The following EPHA7 variants were observed in gnomAD, a reference collection of about 807,000 sequenced individuals.
EPHA7 encodes the protein ephrin type-A receptor 7.
EPHA7 carries 25 observed loss-of-function variants against 112.6 expected under a neutral mutation model. The ratio of observed to expected loss-of-function variants is 0.22; its 90% CI spans 0.16 to 0.31. The LOEUF is 0.31. EPHA7 is among the 10% of genes least tolerant of loss of function. The pLI is 1.00. For synonymous variants in EPHA7, 437 were observed against 406.5 expected (o/e 1.07, Z -0.90); for missense variants, 962 against 1,212.6 (o/e 0.79, Z 3.07).
chr6:93,310,186 G>A (rs351320), intron 5 of EPHA7, among the ~76,000 whole-genome samples: 93,512 of 152,080 alleles, frequency 0.61, 28,964 homozygotes, highest in African/African-American at 0.71. Context: ...ACATGAGTCA[G>A]GTTCATAGAA....
At chr6:93,396,667 A>G (rs140175218) in intron 3 of EPHA7, among the ~76,000 whole-genome samples, 1 of 151,996 alleles carries the variant, frequency 6.6e-6, no homozygotes, top group East Asian at 1.9e-4. Context: ...AAAAATGACT[A>G]TTATGAAACA....
chr6:93,419,143 G>T, intron 1 of EPHA7, 102 bp downstream of exon 1: 1 of 930,344 alleles, frequency 1.1e-6, no homozygotes, highest in East Asian at 3.1e-5. Flanking sequence ...AGGGTCGCCC[G>T]GCGCCGGAGG....
chr6:93,387,034 T>C (rs1385923524), intron 3 of EPHA7, among the ~76,000 whole-genome samples: 2 of 152,142 alleles, frequency 1.3e-5, no homozygotes, highest in Admixed American at 1.3e-4. Context: ...CCCCATTATC[T>C]TGGCAACTAA....
chr6:93,251,706 GT>G (rs1375465378), intron 14 of EPHA7, among the ~76,000 whole-genome samples: 1 of 151,874 alleles, frequency 6.6e-6, no homozygotes, highest in Non-Finnish European at 1.5e-5. Context: ...ATAAAATTCA[GT>G]TAAAAGATGG....
chr6:93,272,266 C>T, intron 6 of EPHA7, 32 bp downstream of exon 6: 1 of 1,609,390 alleles, frequency 6.2e-7, no homozygotes, highest in Non-Finnish European at 8.5e-7. Context: ...ACACACAGCA[C>T]ATTGTACATT....
At chr6:93,342,488 T>G (rs1296186308) in intron 5 of EPHA7, among the ~76,000 whole-genome samples, 1 of 151,812 alleles carries the variant, frequency 6.6e-6, no homozygotes, top group African/African-American at 2.4e-5. Flanking sequence ...GATGAATTAA[T>G]AAGTTGACTA....
At chr6:93,402,042 T>C (rs1778458829) in intron 3 of EPHA7, among the ~76,000 whole-genome samples, 1 of 151,996 alleles carries the variant, frequency 6.6e-6, no homozygotes, top group Non-Finnish European at 1.5e-5. Flanking sequence ...CAATTTAAAC[T>C]TCCACTAGAA....
At chr6:93,395,209 G>A (rs1778106996) in intron 3 of EPHA7, among the ~76,000 whole-genome samples, 1 of 151,678 alleles carries the variant, frequency 6.6e-6, no homozygotes, top group African/African-American at 2.4e-5. Context: ...CTTTAAAAAT[G>A]GTTTTTAAAA....
In EPHA7 at chr6:93,241,118, T is replaced by A. The variant is rs184515015; in HGVS notation, c.*2308A>T. Reference sequence around the variant, plus strand: ...TCAAGAAAGACTACTCAACTATAAATCTAGTGCTAGAAAAAAGCAGGAAAG... The same window carrying A: ...TCAAGAAAGACTACTCAACTATAAAACTAGTGCTAGAAAAAAGCAGGAAAG... On this transcript the variant is annotated 3_prime_UTR_variant, in exon 17 of 17. Coordinates refer to ENST00000369303, the MANE Select transcript of EPHA7 (RefSeq NM_004440.4). 1,493 of 204,916 alleles carry A rather than the reference T, an allele frequency of 7.3e-3. 47 individuals carry two copies. The highest frequency in any genetic ancestry group is 0.069 in the Admixed American group (1,164 of 16,790). The allele number at this position is 204,916 out of a possible 1,614,324, so 12.7% of individuals were successfully genotyped here. A position where few individuals can be genotyped will look rare whatever the true frequency, so the allele number is the denominator to read the frequency against.
chr6:93,268,286 A>G (rs1216919435), intron 7 of EPHA7, among the ~76,000 whole-genome samples: 4 of 151,752 alleles, frequency 2.6e-5, no homozygotes, highest in Non-Finnish European at 5.9e-5. Context: ...TTGTGGCTAT[A>G]AGAGTTACAG....
At chr6:93,245,772 G>A (rs188957280) in intron 15 of EPHA7, among the ~76,000 whole-genome samples, 185 of 152,268 alleles carry the variant, frequency 1.2e-3, no homozygotes, top group Middle Eastern at 6.8e-3. Flanking sequence ...GGGAGTAAAT[G>A]ATGCACATAT....
At chr6:93,387,980 A>G (rs897297633) in intron 3 of EPHA7, among the ~76,000 whole-genome samples, 1 of 125,898 alleles carries the variant, frequency 7.9e-6, no homozygotes, top group Non-Finnish European at 1.8e-5. Flanking sequence ...GATAGATAGA[A>G]TAGATAGATA....
chr6:93,249,019 GTTTC>G (rs1428346788), intron 14 of EPHA7, among the ~76,000 whole-genome samples: 1 of 152,140 alleles, frequency 6.6e-6, no homozygotes, highest in Non-Finnish European at 1.5e-5. Context: ...ACACTGAGGT[GTTTC>G]TTTAAGTATT....
chr6:93,272,257 C>T (rs1438675988), intron 6 of EPHA7, 41 bp downstream of exon 6: 1 of 1,607,238 alleles, frequency 6.2e-7, no homozygotes, highest in Admixed American at 1.7e-5. Flanking sequence ...TGACATGAGA[C>T]ACACAGCACA....
intron 14 of EPHA7, among the ~76,000 whole-genome samples, chr6:93,253,461 AATG>A (rs535368447): frequency 5.9e-5 from 5 of 84,616 alleles, no homozygotes; most frequent in East Asian, 1.2e-3. Flanking sequence ...AAACAGTCTA[AATG>A]TTAGTTGTCT....
At chr6:93,276,631 A>G (rs1472479387) in intron 5 of EPHA7, among the ~76,000 whole-genome samples, 1 of 152,056 alleles carries the variant, frequency 6.6e-6, no homozygotes, top group Non-Finnish European at 1.5e-5. Context: ...AAATGAATAC[A>G]TGTAGTAAAA....
intron 4 of EPHA7, 122 bp downstream of exon 4, chr6:93,358,134 A>C (rs1776049497): frequency 1.4e-6 from 1 of 700,116 alleles, no homozygotes; most frequent in East Asian, 3.8e-5. Flanking sequence ...TTTTAAAATA[A>C]TTTTAATATT....
At chr6:93,272,495 T>G in intron 5 of EPHA7, 73 bp from the exon 6 acceptor site, 1 of 1,583,186 alleles carries the variant, frequency 6.3e-7, no homozygotes, top group Admixed American at 1.7e-5. Flanking sequence ...TCACAACTGA[T>G]CAGTCCCATG....
chr6:93,272,043 GAATA>G (rs767538255), intron 6 of EPHA7, among the ~76,000 whole-genome samples: 15 of 151,702 alleles, frequency 9.9e-5, no homozygotes, highest in East Asian at 2.0e-4. Flanking sequence ...ATCAGAAATT[GAATA>G]AATAAATAAA....
Sources: gnomAD v4.1 joint callset for allele counts (sites outside exome capture counted in the v4.1 genomes callset) on GRCh38, gnomAD v4.1.1 for gene constraint, MANE v1.5 for transcripts, NCBI Gene and HGNC (gene_info 2026-07-23, HGNC 2026-07-21) for gene names.